PCDHA9: variants seen among roughly 807,000 people sequenced by gnomAD.
PCDHA9 encodes the protein protocadherin alpha-9.
PCDHA9 carries 62 observed loss-of-function variants against 62.0 expected under a neutral mutation model. The observed-to-expected ratio is 1.00, with a 90% CI of 0.81 to 1.23. The LOEUF is 1.23. PCDHA9 is among the 50% of genes most tolerant of loss of function. The pLI is 0.00. For synonymous variants in PCDHA9, 557 were observed against 567.6 expected, an observed-to-expected ratio of 0.98 and a Z score of 0.27; for missense variants, 1,205 against 1,249.8, an observed-to-expected ratio of 0.96 and a Z score of 0.54.
At chr5:140,964,959 T>C (rs1330728069) in intron 1 of PCDHA9, among the ~76,000 whole-genome samples, 2 of 152,168 alleles carry the variant, frequency 1.3e-5, no homozygotes, top group African/African-American at 4.8e-5. Context: ...GCTTGGTTGG[T>C]GGAACGAAGG....
At chr5:140,862,417 T>A (rs77196804) in intron 1 of PCDHA9, 1 of 351,262 alleles carries the variant, frequency 2.8e-6, no homozygotes, top group East Asian at 7.4e-5. Context: ...CAAAAGGCGC[T>A]GCCCAGAAAC....
chr5:140,857,296 G>C (rs2044488261), intron 1 of PCDHA9: 3 of 1,598,562 alleles, frequency 1.9e-6, no homozygotes, highest in Admixed American at 3.4e-5. Flanking sequence ...ACCGCGAGAG[G>C]GTGTCGGCCT....
intron 1 of PCDHA9, among the ~76,000 whole-genome samples, chr5:140,963,436 T>C (rs148474994): frequency 0.01 from 1,563 of 152,364 alleles, 89 homozygotes; most frequent in Admixed American, 0.092. Context: ...ACTAACTTCA[T>C]ACTCTGTTGC....
At chr5:140,976,330 T>C (rs139191853) in intron 1 of PCDHA9, among the ~76,000 whole-genome samples, 1 of 152,088 alleles carries the variant, frequency 6.6e-6, no homozygotes, top group Non-Finnish European at 1.5e-5. Flanking sequence ...GAGGGTGGAT[T>C]GCCTGAGGTC....
intron 1 of PCDHA9, among the ~76,000 whole-genome samples, chr5:140,878,400 A>G (rs1190004888): frequency 6.6e-6 from 1 of 152,218 alleles, no homozygotes; most frequent in Non-Finnish European, 1.5e-5. Flanking sequence ...TGCTCACAAA[A>G]TATCTTCTTT....
At chr5:140,862,316 C>G (rs2047308112) in intron 1 of PCDHA9, 1 of 317,936 alleles carries the variant, frequency 3.1e-6, no homozygotes, top group Non-Finnish European at 6.2e-6. Context: ...CGTCATAGCC[C>G]TAATCAGTGT....
At chr5:140,866,584 T>C (rs2049444092) in intron 1 of PCDHA9, 1 of 152,156 alleles carries the variant, frequency 6.6e-6, no homozygotes, top group Non-Finnish European at 1.5e-5. Context: ...GGTTGGATAA[T>C]GTAATTCTAA....
Position 141,009,759 on chromosome 5 carries a change from GATCTCCTGCAATCATCTCC to G in PCDHA9, c.2679_2697del (p.Pro894GlyfsTer15). 6.2e-7 allele frequency: 1 copy of G among 1,614,082 alleles called. No individual in the cohort carries two copies. The highest frequency in any genetic ancestry group is 8.5e-7 in the Non-Finnish European group (1 of 1,180,014). On this transcript the variant is annotated frameshift_variant, in exon 4 of 4. Transcript: ENST00000532602. LOFTEE classifies it high-confidence loss of function. Reference sequence around the variant, plus strand: ...TTGCCCGACAAATTCATTATCCCAGGATCTCCTGCAATCATCTCCATCCGGCAGGAGCCTACTAACAGCC... The same window carrying G: ...TTGCCCGACAAATTCATTATCCCAGGATCCGGCAGGAGCCTACTAACAGCC...
chr5:141,008,786 T>C (rs2098390952), intron 3 of PCDHA9, among the ~76,000 whole-genome samples: 1 of 152,212 alleles, frequency 6.6e-6, no homozygotes, highest in South Asian at 2.1e-4. Context: ...TGGCTCCCAG[T>C]GTTTTATCTA....
At chr5:140,861,746 A>G (rs1163368847) in intron 1 of PCDHA9, 1 of 145,142 alleles carries the variant, frequency 6.9e-6, no homozygotes, top group African/African-American at 2.8e-5. Context: ...ACTGTGCCGC[A>G]ATGATTATTT....
At chr5:140,877,959 T>C in intron 1 of PCDHA9, 2 of 1,325,332 alleles carry the variant, frequency 1.5e-6, no homozygotes, top group South Asian at 3.5e-5. Flanking sequence ...ATGTCTCATC[T>C]TTCTTGGTCA....
At chr5:140,987,949 A>G (rs1251112253) in intron 3 of PCDHA9, among the ~76,000 whole-genome samples, 1 of 152,162 alleles carries the variant, frequency 6.6e-6, no homozygotes, top group Non-Finnish European at 1.5e-5. Context: ...CTGTCTGACA[A>G]AACCAACTCC....
At chr5:140,993,540 A>T (rs1189758746) in intron 3 of PCDHA9, among the ~76,000 whole-genome samples, 7 of 151,678 alleles carry the variant, frequency 4.6e-5, no homozygotes, top group Non-Finnish European at 8.8e-5. Context: ...AGAGAGAGAT[A>T]GAGAAGTGAA....
intron 1 of PCDHA9, chr5:140,863,472 T>C: frequency 2.0e-6 from 1 of 490,440 alleles, no homozygotes; most frequent in Non-Finnish European, 4.0e-6. Context: ...CTCTGGAGAG[T>C]CGCCTCCCAA....
chr5:140,872,768 A>C (rs527621278), intron 1 of PCDHA9, among the ~76,000 whole-genome samples: 1 of 152,292 alleles, frequency 6.6e-6, no homozygotes, highest in East Asian at 1.9e-4. Context: ...ATAGGGCTAT[A>C]TTATCTATAA....
In PCDHA9 at chr5:140,890,236, T is replaced by C. The variant is rs79211810; in HGVS notation, c.2394+39347T>C. 1.2e-3 allele frequency among the ~76,000 whole-genome samples: 183 copies of C among 152,244 alleles called. 1 individual carries two copies. Among genetic ancestry groups the C allele is most frequent in the African/African-American group, 4.0e-3 (168 of 41,532 alleles). ...CCCAGAGACCTAGTTGTTAAGCATT[T>C]ACCAGTACACTACTGCACCTGATTG... On this transcript the variant is annotated intron_variant, in intron 1 of 3. Transcript: ENST00000532602.
At chr5:140,916,508 T>G (rs2077594251) in intron 1 of PCDHA9, among the ~76,000 whole-genome samples, 1 of 152,200 alleles carries the variant, frequency 6.6e-6, no homozygotes, top group Non-Finnish European at 1.5e-5. Context: ...GTGATTAATC[T>G]TGCCAAGACT....
intron 1 of PCDHA9, among the ~76,000 whole-genome samples, chr5:140,890,919 G>A (rs181566078): frequency 3.0e-4 from 46 of 152,178 alleles, no homozygotes; most frequent in Admixed American, 9.2e-4. Flanking sequence ...TAATTTGAGA[G>A]TTTCCTTTAG....
intron 1 of PCDHA9, chr5:140,876,539 C>G: frequency 6.2e-7 from 1 of 1,614,170 alleles, no homozygotes; most frequent in Non-Finnish European, 8.5e-7. Flanking sequence ...ACTTCACTGT[C>G]GCTCCCTGTG....
Sources: gnomAD v4.1 joint callset for allele counts (sites outside exome capture counted in the v4.1 genomes callset) on GRCh38, gnomAD v4.1.1 for gene constraint, MANE v1.5 for transcripts, NCBI Gene and HGNC (gene_info 2026-07-23, HGNC 2026-07-21) for gene names.